Variants in EXOC2 observed in about 807,000 individuals in gnomAD.
EXOC2 encodes exocyst complex component 2.
EXOC2 carries 70 observed loss-of-function variants against 131.8 expected under a neutral mutation model. The observed-to-expected ratio is 0.53, with a 90% CI of 0.44 to 0.65. EXOC2 has a LOEUF of 0.65. Ranked by LOEUF, EXOC2 falls within the 30% of genes least tolerant of loss-of-function variation. The probability of loss-of-function intolerance (pLI) is 0.00; values close to 1 mark genes in which losing one functional copy is unlikely to be tolerated. For synonymous variants in EXOC2, 411 were observed against 398.4 expected, an observed-to-expected ratio of 1.03 and a Z score of -0.38; for missense variants, 923 against 1,108.6, an observed-to-expected ratio of 0.83 and a Z score of 2.38.
chr6:651,085 G>A (rs867742280), intron 1 of EXOC2, among the ~76,000 whole-genome samples: 17 of 150,568 alleles, frequency 1.1e-4, no homozygotes, highest in African/African-American at 3.9e-4. Context: ...CTGGAGGGCA[G>A]TAGCGTGTGA....
At chr6:490,782 G>A (rs908479425) in intron 26 of EXOC2, among the ~76,000 whole-genome samples, 1 of 152,134 alleles carries the variant, frequency 6.6e-6, no homozygotes, top group African/African-American at 2.4e-5. Flanking sequence ...ATTTTGCAGA[G>A]AAACCACAAG....
intron 23 of EXOC2, among the ~76,000 whole-genome samples, chr6:510,155 A>G (rs1764760504): frequency 6.6e-6 from 1 of 152,240 alleles, no homozygotes; most frequent in African/African-American, 2.4e-5. Context: ...TAGAACAGAG[A>G]GAAAGTCCTA....
At chr6:566,947 G>A (rs1389149606) in intron 13 of EXOC2, among the ~76,000 whole-genome samples, 2 of 152,132 alleles carry the variant, frequency 1.3e-5, no homozygotes, top group African/African-American at 4.8e-5. Flanking sequence ...TGCGAGCAAC[G>A]TCAGAATTCT....
intron 4 of EXOC2, among the ~76,000 whole-genome samples, chr6:623,660 A>G (rs1761408249): frequency 6.6e-6 from 1 of 152,154 alleles, no homozygotes; most frequent in Non-Finnish European, 1.5e-5. Context: ...GCTGAAACAC[A>G]GCCCCCCAAT....
At chr6:538,672 T>C (rs1193702074) in intron 22 of EXOC2, among the ~76,000 whole-genome samples, 3 of 152,332 alleles carry the variant, frequency 2.0e-5, no homozygotes, top group South Asian at 2.1e-4. Flanking sequence ...TCCCAACTTA[T>C]GAGAGTTCAA....
At position 653,827 on chromosome 6, in the gene EXOC2, T is replaced by C. The variant is rs536628029; in HGVS notation, c.-43-15966A>G. On this transcript the variant is annotated intron_variant, in intron 1 of 27. Transcript: ENST00000230449. ...TTCATAGCTAGAGAGGAGAAGTCAA[T>C]ACCTGGCTTCAAAGCTTCAAGGACA... Among the ~76,000 whole-genome samples the C allele has an allele frequency of 3.9e-5, 6 of 152,336 alleles. No homozygotes were observed. In the East Asian group the frequency reaches 9.6e-4, roughly 24 times the overall value.
intron 22 of EXOC2, 88 bp downstream of exon 22, chr6:549,087 C>T: frequency 9.7e-7 from 1 of 1,035,716 alleles, no homozygotes; most frequent in Non-Finnish European, 1.5e-6. Context: ...AGGGAATGGG[C>T]ACTGCTAGCA....
chr6:593,804 A>G (rs1759671146), intron 10 of EXOC2, among the ~76,000 whole-genome samples: 1 of 152,216 alleles, frequency 6.6e-6, no homozygotes, highest in Non-Finnish European at 1.5e-5. Flanking sequence ...GGGTGCACCC[A>G]TGCTTCCAGC....
chr6:509,203 T>C (rs1056096456), intron 23 of EXOC2, among the ~76,000 whole-genome samples: 2 of 152,238 alleles, frequency 1.3e-5, no homozygotes, highest in African/African-American at 4.8e-5. Flanking sequence ...CATAATCTAT[T>C]TGACCATTCT....
intron 23 of EXOC2, among the ~76,000 whole-genome samples, chr6:508,602 A>G (rs1481265312): frequency 6.6e-6 from 1 of 152,206 alleles, no homozygotes; most frequent in Non-Finnish European, 1.5e-5. Context: ...GGTTCCTTCC[A>G]TGCCTTGCTC....
At chr6:525,519 G>A (rs1302459650) in intron 23 of EXOC2, 1 of 152,142 alleles carries the variant, frequency 6.6e-6, no homozygotes, top group Non-Finnish European at 1.5e-5. Context: ...CACCATGTAT[G>A]CCATTTCTCT....
chr6:539,856 C>G (rs375173806), intron 22 of EXOC2, among the ~76,000 whole-genome samples: 2 of 152,126 alleles, frequency 1.3e-5, no homozygotes, highest in African/African-American at 4.8e-5. Flanking sequence ...TTTTTTAGCT[C>G]TTTTCAAATG....
intron 1 of EXOC2, among the ~76,000 whole-genome samples, chr6:644,179 C>A (rs1355333654): frequency 1.3e-5 from 2 of 152,054 alleles, no homozygotes. Context: ...TTATTCCAAC[C>A]AAGCAAGGCC....
chr6:493,851 G>A (rs1011261809), intron 25 of EXOC2, among the ~76,000 whole-genome samples: 1 of 152,150 alleles, frequency 6.6e-6, no homozygotes, highest in African/African-American at 2.4e-5. Context: ...AGTAGTTTCT[G>A]GACATGTGTA....
At chr6:538,959 C>T (rs949764898) in intron 22 of EXOC2, among the ~76,000 whole-genome samples, 1 of 151,870 alleles carries the variant, frequency 6.6e-6, no homozygotes, top group Non-Finnish European at 1.5e-5. Context: ...GTAATCCCAG[C>T]TACTAGGGAG....
intron 1 of EXOC2, among the ~76,000 whole-genome samples, chr6:651,971 G>A (rs1358632797): frequency 6.6e-6 from 1 of 150,868 alleles, no homozygotes; most frequent in Non-Finnish European, 1.5e-5. Flanking sequence ...CAGGAGAATC[G>A]CTTGAACCCG....
At position 592,525 on chromosome 6, in the gene EXOC2, T is replaced by C; in HGVS notation, c.1136A>G (p.Lys379Arg). 1 of 1,614,076 alleles carries C rather than the reference T, an allele frequency of 6.2e-7. No homozygotes were observed. The change falls in exon 11 of 28, where the codon AAG becomes AGG. Residue 379 changes from lysine to arginine, a missense_variant. Coordinates refer to ENST00000230449, the MANE Select transcript of EXOC2 (RefSeq NM_018303.6). ...PAWQCIGAQH[K>R]WILQLMHSCK... The stretch of plus-strand genomic sequence containing the variant: ...ACTGTGCATGAGCTGAAGGATCCAC[T>C]TGTGTTGGGCTCCAATGCATTGCCA...
chr6:573,591 T>C (rs1758409174), intron 12 of EXOC2, among the ~76,000 whole-genome samples: 1 of 151,958 alleles, frequency 6.6e-6, no homozygotes, highest in Non-Finnish European at 1.5e-5. Context: ...CCTTTCCAAA[T>C]ACCCCCAAGC....
intron 6 of EXOC2, among the ~76,000 whole-genome samples, chr6:614,092 T>C (rs952394826): frequency 6.6e-6 from 1 of 152,098 alleles, no homozygotes; most frequent in African/African-American, 2.4e-5. Flanking sequence ...CCCCAAAAGG[T>C]CTGGCCTTTG....
Sources: allele counts gnomAD v4.1 joint callset (sites outside exome capture counted in the v4.1 genomes callset), GRCh38; gene constraint gnomAD v4.1.1; transcripts MANE v1.5; gene names NCBI Gene and HGNC (gene_info 2026-07-23, HGNC 2026-07-21).